The following SCAPER variants were observed in gnomAD, a reference collection of about 807,000 sequenced individuals.
SCAPER encodes the protein S phase cyclin A-associated protein in the endoplasmic reticulum.
In SCAPER, 98 loss-of-function variants were observed where a neutral mutation model predicts 182.2. That is an observed-to-expected ratio of 0.54 (90% CI 0.46 to 0.64). SCAPER has a LOEUF of 0.64. Ranked by LOEUF, SCAPER falls within the 30% of genes least tolerant of loss-of-function variation. The pLI, the probability that SCAPER is intolerant of heterozygous loss-of-function variation, is 0.00. For synonymous variants in SCAPER, 605 were observed against 564.6 expected (o/e 1.07, Z -1.01); for missense variants, 1,432 against 1,690.0 (o/e 0.85, Z 2.68).
Position 76,591,959 on chromosome 15 carries a change from C to T in SCAPER, c.2712-17675G>A, listed in dbSNP as rs376695567. On this transcript the variant is annotated intron_variant, in intron 22 of 31. Transcript: ENST00000563290. ...CCTGTAGTCCCAGCTACTTGGGGGGCTGAGGTGGGCAGACTGCCTGAGCCT... is the reference window on the plus strand; with the variant it reads ...CCTGTAGTCCCAGCTACTTGGGGGGTTGAGGTGGGCAGACTGCCTGAGCCT... Among the ~76,000 whole-genome samples, 53 of 152,200 alleles carry T rather than the reference C, an allele frequency of 3.5e-4. No homozygotes were observed. The East Asian group carries it at 9.9e-3, about 28-fold the overall frequency.
intron 23 of SCAPER, among the ~76,000 whole-genome samples, chr15:76,560,039 T>C (rs2046490897): frequency 6.6e-6 from 1 of 152,186 alleles, no homozygotes; most frequent in Non-Finnish European, 1.5e-5. Context: ...CAAATATTTA[T>C]GGTGTCATTC....
chr15:76,563,149 G>C (rs1187018589), intron 23 of SCAPER, among the ~76,000 whole-genome samples: 1 of 152,094 alleles, frequency 6.6e-6, no homozygotes, highest in Non-Finnish European at 1.5e-5. Flanking sequence ...AAAATAAACA[G>C]GAGCGGACAA....
chr15:76,526,876 T>C (rs2043239836), intron 23 of SCAPER, among the ~76,000 whole-genome samples: 1 of 152,020 alleles, frequency 6.6e-6, no homozygotes, highest in Non-Finnish European at 1.5e-5. Context: ...TTATTTTTAT[T>C]TTTTTAGGGG....
chr15:76,714,947 TA>T (rs148374089), intron 17 of SCAPER, among the ~76,000 whole-genome samples: 7 of 151,824 alleles, frequency 4.6e-5, no homozygotes, highest in African/African-American at 1.5e-4. Flanking sequence ...ATTTCCATAT[TA>T]AAAAAAACAC....
intron 20 of SCAPER, among the ~76,000 whole-genome samples, chr15:76,677,870 A>G (rs28526043): frequency 2.0e-5 from 3 of 151,836 alleles, no homozygotes; most frequent in African/African-American, 7.2e-5. Flanking sequence ...AGACATGGGG[A>G]AAAAAACTGA....
intron 1 of SCAPER, among the ~76,000 whole-genome samples, chr15:76,890,654 T>C (rs1054166908): frequency 6.6e-6 from 1 of 152,128 alleles, no homozygotes; most frequent in African/African-American, 2.4e-5. Context: ...AATAACGGGC[T>C]CTGAAATCGA....
At chr15:76,393,863 A>G (rs1391598239) in intron 27 of SCAPER, among the ~76,000 whole-genome samples, 1 of 152,210 alleles carries the variant, frequency 6.6e-6, no homozygotes, top group Non-Finnish European at 1.5e-5. Flanking sequence ...CCCCACATGG[A>G]AAGACCCCTG....
chr15:76,646,942 G>C (rs2054598190), intron 21 of SCAPER, among the ~76,000 whole-genome samples: 1 of 152,148 alleles, frequency 6.6e-6, no homozygotes, highest in Admixed American at 6.5e-5. Flanking sequence ...CCTGTATCAT[G>C]AAACCTGGGG....
At chr15:76,401,945 G>A (rs575145272) in intron 27 of SCAPER, among the ~76,000 whole-genome samples, 1 of 152,170 alleles carries the variant, frequency 6.6e-6, no homozygotes, top group South Asian at 2.1e-4. Flanking sequence ...TGGCCAACAT[G>A]GTGAAACCCC....
At chr15:76,650,900 A>G (rs970761645) in intron 21 of SCAPER, among the ~76,000 whole-genome samples, 2 of 152,158 alleles carry the variant, frequency 1.3e-5, no homozygotes, top group Non-Finnish European at 2.9e-5. Flanking sequence ...TGGAAATTCA[A>G]CAAAACACTT....
chr15:76,480,793 C>A (rs1299325274), intron 24 of SCAPER, among the ~76,000 whole-genome samples: 1 of 151,872 alleles, frequency 6.6e-6, no homozygotes, highest in Non-Finnish European at 1.5e-5. Context: ...TGCAGTGGTG[C>A]GATCTCGGCT....
chr15:76,878,955 TAATA>T (rs1484469289), intron 2 of SCAPER, among the ~76,000 whole-genome samples: 1 of 152,180 alleles, frequency 6.6e-6, no homozygotes, highest in East Asian at 1.9e-4. Flanking sequence ...AAAATTTTTT[TAATA>T]AATAAATGAT....
intron 17 of SCAPER, among the ~76,000 whole-genome samples, chr15:76,727,157 T>C (rs963937953): frequency 6.6e-6 from 1 of 152,044 alleles, no homozygotes; most frequent in African/African-American, 2.4e-5. Flanking sequence ...AGCATGCTCA[T>C]AAATTAAAAT....
At chr15:76,889,304 G>A (rs1034104424) in intron 1 of SCAPER, among the ~76,000 whole-genome samples, 9 of 152,152 alleles carry the variant, frequency 5.9e-5, no homozygotes, top group African/African-American at 1.9e-4. Context: ...ATAATGACAG[G>A]ATCAAATTCA....
chr15:76,790,214 G>C lies in SCAPER; in HGVS notation c.772+5066C>G, dbSNP rs2064906454. Among the ~76,000 whole-genome samples, 3 of 137,228 alleles carry C rather than the reference G, an allele frequency of 2.2e-5. No homozygotes were observed. The South Asian group carries it at 7.7e-4, about 35-fold the overall frequency. 90.0% of individuals were successfully genotyped at this position (137,228 alleles called of 152,430 possible). On this transcript the variant is annotated intron_variant, in intron 8 of 31. Transcript: ENST00000563290. ...CCACTGCACTCCAGCCTGGGAGACA[G>C]AGCAAGACTCCATCTCAAAAAAAAA...
chr15:76,711,988 T>G (rs1344743766), intron 17 of SCAPER, among the ~76,000 whole-genome samples: 1 of 152,154 alleles, frequency 6.6e-6, no homozygotes, highest in African/African-American at 2.4e-5. Context: ...TTGCTTTTGG[T>G]GTTTTAGACA....
chr15:76,856,303 A>G (rs2071362632), intron 4 of SCAPER, among the ~76,000 whole-genome samples: 1 of 152,066 alleles, frequency 6.6e-6, no homozygotes, highest in African/African-American at 2.4e-5. Flanking sequence ...AAAAATAACT[A>G]TTGGGTACTA....
rs772597677 is a variant in SCAPER, at chr15:76,665,705, G to A, written c.2593C>T (p.Arg865Trp). Residue 865 changes from arginine (R) to tryptophan (W), a missense_variant, in exon 21 of 32, where the codon CGG (arginine) becomes TGG (tryptophan). This residue lies in a region of SCAPER where 718 missense variants were observed against 799.7 expected (regional missense o/e 0.90). Coordinates refer to ENST00000563290, the MANE Select transcript of SCAPER (RefSeq NM_020843.4). ...PAEALKDGEERQKNKKKAKKI... is the reference protein window; with the variant it reads ...PAEALKDGEEWQKNKKKAKKI... ...TTGGCTTTTTTTTTATTTTTTTGCC[G>A]CTCTTCTCCATCTTTCAAAGCTTCT... 29 of 1,569,382 alleles carry A rather than the reference G, an allele frequency of 1.8e-5. No homozygotes were observed. The highest frequency in any genetic ancestry group is 2.3e-4 in the Middle Eastern group (1 of 4,426).
intron 6 of SCAPER, among the ~76,000 whole-genome samples, chr15:76,802,754 C>G (rs1490582127): frequency 6.6e-6 from 1 of 152,070 alleles, no homozygotes; most frequent in Admixed American, 6.5e-5. Flanking sequence ...TAAGATTGAA[C>G]CAAGATTAAA....
Sources: allele counts gnomAD v4.1 joint callset (sites outside exome capture counted in the v4.1 genomes callset), GRCh38; gene constraint gnomAD v4.1.1; regional missense constraint gnomAD v4.1.1; transcripts MANE v1.5; gene names NCBI Gene and HGNC (gene_info 2026-07-23, HGNC 2026-07-21).